The following POLR3G variants were observed in gnomAD, a reference collection of about 807,000 sequenced individuals.
POLR3G encodes DNA-directed RNA polymerase III subunit RPC7.
POLR3G carries 28 observed loss-of-function variants against 30.1 expected under a neutral mutation model. The observed-to-expected ratio is 0.93, with a 90% CI of 0.69 to 1.27. The LOEUF is 1.27. POLR3G is among the 50% of genes most tolerant of loss of function. The probability of loss-of-function intolerance (pLI) is 0.00; values close to 1 mark genes in which losing one functional copy is unlikely to be tolerated. For missense variants in POLR3G, 254 were observed against 264.6 expected, an observed-to-expected ratio of 0.96 and a Z score of 0.28; for synonymous variants, 79 against 82.5, an observed-to-expected ratio of 0.96 and a Z score of 0.23.
chr5:90,477,517 G>A (rs892303808), intron 1 of POLR3G, among the ~76,000 whole-genome samples: 32 of 152,098 alleles, frequency 2.1e-4, no homozygotes, highest in African/African-American at 7.5e-4. Context: ...GAACAGAGCT[G>A]GTAAACCTCT....
At chr5:90,492,184 T>A (rs1033944730) in intron 3 of POLR3G, among the ~76,000 whole-genome samples, 1 of 152,206 alleles carries the variant, frequency 6.6e-6, no homozygotes, top group Non-Finnish European at 1.5e-5. Context: ...AGTCTTCAGA[T>A]GACAGTGTCT....
chr5:90,474,450 G>C (rs1750669235), upstream of POLR3G: 1 of 664,198 alleles, frequency 1.5e-6, no homozygotes, highest in Non-Finnish European at 2.6e-6. Context: ...GGTCGGAATA[G>C]GAGGAGGAAG....
chr5:90,508,471 AATGTTCATTTCCCATTGTAAAAC>A (rs1483139246), intron 7 of POLR3G, among the ~76,000 whole-genome samples: 9 of 151,746 alleles, frequency 5.9e-5, no homozygotes, highest in Admixed American at 6.6e-5. Context: ...TCCATTCATG[AATGTTCATTTCCCATTGTAAAAC>A]ATGTTCATTT....
intron 7 of POLR3G, among the ~76,000 whole-genome samples, chr5:90,510,861 C>T (rs1488671614): frequency 7.2e-6 from 1 of 139,310 alleles, no homozygotes; most frequent in African/African-American, 2.6e-5. Context: ...ATCCCACTAT[C>T]CAGATTTAAA....
At chr5:90,492,389 A>C (rs1171352934) in intron 3 of POLR3G, among the ~76,000 whole-genome samples, 1 of 152,210 alleles carries the variant, frequency 6.6e-6, no homozygotes, top group Non-Finnish European at 1.5e-5. Flanking sequence ...TGTGCACCAA[A>C]ATTAATTTGA....
At chr5:90,489,211 A>G (rs948978690) in intron 3 of POLR3G, among the ~76,000 whole-genome samples, 4 of 152,072 alleles carry the variant, frequency 2.6e-5, no homozygotes, top group African/African-American at 9.7e-5. Context: ...AGCTGCTTTA[A>G]GTTATATAAT....
chr5:90,491,871 T>C (rs752360830), intron 3 of POLR3G, among the ~76,000 whole-genome samples: 25 of 152,320 alleles, frequency 1.6e-4, no homozygotes, highest in Non-Finnish European at 1.9e-4. Flanking sequence ...TCAAATAAAT[T>C]ATCACTATTA....
chr5:90,513,309 T>A lies in POLR3G; in HGVS notation c.*1170T>A, dbSNP rs924967744. On this transcript the variant is annotated 3_prime_UTR_variant, in exon 8 of 8. Coordinates refer to ENST00000651687, the MANE Select transcript of POLR3G (RefSeq NM_006467.3). ...TGAGAATCAGATCCCTAGATTCTAT[T>A]TCTACCTATACTATTAAACTCAACC... 1.3e-5 allele frequency: 2 copies of A among 152,630 alleles called. No individual in the cohort carries two copies. Among genetic ancestry groups the A allele is most frequent in the African/African-American group, 4.8e-5 (2 of 41,468 alleles). The allele number at this position is 152,630 out of a possible 1,614,324, so 9.5% of individuals were successfully genotyped here.
chr5:90,511,263 A>T (rs1317941988), intron 7 of POLR3G, among the ~76,000 whole-genome samples: 3 of 152,196 alleles, frequency 2.0e-5, no homozygotes, highest in Non-Finnish European at 4.4e-5. Flanking sequence ...ATAACACCCC[A>T]TACAATGAAA....
chr5:90,508,455 G>C (rs1752592329), intron 7 of POLR3G, among the ~76,000 whole-genome samples: 1 of 150,616 alleles, frequency 6.6e-6, no homozygotes, highest in African/African-American at 2.4e-5. Context: ...TTTTCTGCTT[G>C]TCTCTTCCAT....
upstream of POLR3G, chr5:90,474,185 G>A (rs756033481): frequency 4.4e-6 from 7 of 1,607,788 alleles, no homozygotes; most frequent in African/African-American, 1.3e-5. Flanking sequence ...GCTCGGAGCC[G>A]CGCACCAGCC....
At chr5:90,473,962 C>A, upstream of POLR3G, 2 of 1,598,958 alleles carry the variant, frequency 1.3e-6, no homozygotes, top group East Asian at 4.5e-5. Flanking sequence ...AAGTTGTCCC[C>A]GCGAGCCAGC....
rs1019593540 is a variant in POLR3G, at chr5:90,512,533, T to C, written c.*394T>C. On this transcript the variant is annotated 3_prime_UTR_variant, in exon 8 of 8. Coordinates refer to ENST00000651687, the MANE Select transcript of POLR3G (RefSeq NM_006467.3). ...GATTTCTATAACCTGAAAGTTGATA[T>C]AATACAGCACGTGGAGCACTTTAAA... The C allele has an allele frequency of 3.7e-5, 6 of 163,766 alleles. No individual in the cohort carries two copies. Among genetic ancestry groups the C allele is most frequent in the Admixed American group, 3.5e-4 (6 of 16,908 alleles). The allele number at this position is 163,766 out of a possible 1,614,324, so 10.1% of individuals were successfully genotyped here.
At chr5:90,509,495 G>C (rs1752638434) in intron 7 of POLR3G, among the ~76,000 whole-genome samples, 1 of 152,162 alleles carries the variant, frequency 6.6e-6, no homozygotes, top group Non-Finnish European at 1.5e-5. Flanking sequence ...AATATACAGT[G>C]AATAATGCTG....
At chr5:90,488,603 A>G (rs1031950995) in intron 3 of POLR3G, among the ~76,000 whole-genome samples, 6 of 152,086 alleles carry the variant, frequency 3.9e-5, no homozygotes, top group African/African-American at 1.4e-4. Context: ...TGGATATATT[A>G]TTATTAACTG....
rs1413128768 is a variant in POLR3G at position 90,512,810 on chromosome 5, A to G, written c.*671A>G. 2 of 152,296 alleles carry G rather than the reference A, an allele frequency of 1.3e-5. No homozygotes were observed. The highest frequency in any genetic ancestry group is 2.9e-5 in the Non-Finnish European group (2 of 67,984). 9.4% of individuals were successfully genotyped at this position (152,296 alleles called of 1,614,324 possible). A position where few individuals can be genotyped will look rare whatever the true frequency, so the allele number is the denominator to read the frequency against. On this transcript the variant is annotated 3_prime_UTR_variant, in exon 8 of 8. Transcript: ENST00000651687. ...TTATAATACTTGAATTTGAGACTTA[A>G]TACTGTATATGAATTAATCATCCCA...
intron 1 of POLR3G, among the ~76,000 whole-genome samples, chr5:90,478,569 C>CTTGTTTTTTTTTTTTTTTT (rs1750957361): frequency 1.3e-5 from 1 of 79,332 alleles, no homozygotes. Flanking sequence ...CTGCGTGGTT[C>CTTGTTTTTTTTTTTTTTTT]TTTTTTTTTT....
chr5:90,495,024 T>C (rs1257839150), intron 3 of POLR3G, among the ~76,000 whole-genome samples: 1 of 152,186 alleles, frequency 6.6e-6, no homozygotes, highest in East Asian at 1.9e-4. Context: ...TTGGCAAGAT[T>C]AGTTAAAACA....
intron 1 of POLR3G, among the ~76,000 whole-genome samples, chr5:90,484,024 A>G (rs1287695220): frequency 6.6e-6 from 1 of 152,210 alleles, no homozygotes. Context: ...GACTTCCACC[A>G]AAACAGTTCT....
Sources: gnomAD v4.1 joint callset for allele counts (sites outside exome capture counted in the v4.1 genomes callset) on GRCh38, gnomAD v4.1.1 for gene constraint, MANE v1.5 for transcripts, NCBI Gene and HGNC (gene_info 2026-07-23, HGNC 2026-07-21) for gene names.